The following FHOD3 variants were observed in gnomAD, a reference collection of about 807,000 sequenced individuals.
The protein encoded by FHOD3 is formin homology 2 domain containing 3.
Under a neutral mutation model 173.0 loss-of-function variants are expected in FHOD3, and 90 were observed. The ratio of observed to expected loss-of-function variants is 0.52; its 90% CI spans 0.44 to 0.62. The LOEUF (loss-of-function observed/expected upper bound fraction) is 0.62. Among genes scored for constraint, FHOD3 ranks in the 20% least tolerant of loss-of-function variants. FHOD3 has a pLI of 0.00. For missense variants in FHOD3, 1,945 were observed against 2,034.7 expected (o/e 0.96, Z 0.85); for synonymous variants, 828 against 823.0 (o/e 1.01, Z -0.10).
chr18:36,644,070 A>T (rs1421535108), intron 10 of FHOD3, among the ~76,000 whole-genome samples: 1 of 152,180 alleles, frequency 6.6e-6, no homozygotes, highest in Non-Finnish European at 1.5e-5. Flanking sequence ...GTCAGGCTGC[A>T]GGCCTCTGGG....
At chr18:36,458,666 GTTTTTTTTT>G (rs35141522) in intron 3 of FHOD3, among the ~76,000 whole-genome samples, 1 of 104,724 alleles carries the variant, frequency 9.5e-6, no homozygotes, top group South Asian at 3.4e-4. Context: ...TTTTTGTTAG[GTTTTTTTTT>G]TTTTTTTTTT....
intron 18 of FHOD3, chr18:36,709,895 A>G (rs2040076470): frequency 6.4e-6 from 1 of 155,062 alleles, no homozygotes; most frequent in South Asian, 2.0e-4. Context: ...GGATTGAATG[A>G]GTATTTCCAA....
intron 5 of FHOD3, among the ~76,000 whole-genome samples, chr18:36,548,798 A>T (rs1293840318): frequency 1.3e-5 from 2 of 152,156 alleles, no homozygotes; most frequent in Non-Finnish European, 1.5e-5. Flanking sequence ...CATCATCTGG[A>T]TATACCAGAG....
chr18:36,418,286 A>T (rs2049782725), intron 3 of FHOD3, among the ~76,000 whole-genome samples: 3 of 152,186 alleles, frequency 2.0e-5, no homozygotes, highest in African/African-American at 7.2e-5. Flanking sequence ...TCTGAAAAGG[A>T]ATTTTTTAGA....
At chr18:36,336,456 T>C (rs903887866) in intron 1 of FHOD3, among the ~76,000 whole-genome samples, 2 of 152,228 alleles carry the variant, frequency 1.3e-5, no homozygotes, top group African/African-American at 4.8e-5. Context: ...GATGGTAATC[T>C]GTGAATTCAC....
intron 5 of FHOD3, among the ~76,000 whole-genome samples, chr18:36,557,719 A>G (rs2057943860): frequency 6.6e-6 from 1 of 151,390 alleles, no homozygotes; most frequent in African/African-American, 2.4e-5. Flanking sequence ...TTCTTTATAA[A>G]TATTTGTCAC....
intron 1 of FHOD3, among the ~76,000 whole-genome samples, chr18:36,343,126 T>C (rs1413578666): frequency 6.6e-6 from 1 of 152,216 alleles, no homozygotes; most frequent in African/African-American, 2.4e-5. Flanking sequence ...CTTAAAATGT[T>C]AATGACCCAG....
intron 3 of FHOD3, among the ~76,000 whole-genome samples, chr18:36,378,922 C>T (rs767556026): frequency 5.3e-5 from 8 of 152,116 alleles, no homozygotes; most frequent in South Asian, 2.1e-4. Context: ...TGACCTCAGG[C>T]GATCTGCCCA....
chr18:36,348,643 G>T (rs1416464481), intron 1 of FHOD3, among the ~76,000 whole-genome samples: 2 of 152,106 alleles, frequency 1.3e-5, no homozygotes, highest in East Asian at 3.9e-4. Context: ...GAGGGTCCTT[G>T]GCTGACTGCT....
chr18:36,310,687 CAA>C (rs571273504), intron 1 of FHOD3, among the ~76,000 whole-genome samples: 12 of 72,652 alleles, frequency 1.7e-4, no homozygotes, highest in Non-Finnish European at 1.9e-4. Flanking sequence ...GACTCCATCT[CAA>C]AAAAAAAAAA....
intron 5 of FHOD3, among the ~76,000 whole-genome samples, chr18:36,526,976 G>A (rs774951733): frequency 6.6e-6 from 1 of 152,232 alleles, no homozygotes; most frequent in South Asian, 2.1e-4. Flanking sequence ...TGAACCTTTT[G>A]TAAATTACAG....
intron 10 of FHOD3, among the ~76,000 whole-genome samples, chr18:36,634,217 A>G (rs985859998): frequency 6.6e-6 from 1 of 151,990 alleles, no homozygotes; most frequent in South Asian, 2.1e-4. Flanking sequence ...GAGGGAGGCA[A>G]TTGGAGGGGT....
intron 5 of FHOD3, among the ~76,000 whole-genome samples, chr18:36,548,420 G>A (rs2057501907): frequency 6.6e-6 from 1 of 152,146 alleles, no homozygotes; most frequent in Admixed American, 6.5e-5. Flanking sequence ...GGGTGAATGT[G>A]CCTTTGAGGT....
At chr18:36,770,535 T>G (rs2043331788) in intron 28 of FHOD3, among the ~76,000 whole-genome samples, 1 of 152,174 alleles carries the variant, frequency 6.6e-6, no homozygotes. Context: ...GATGAGAATT[T>G]TTCCCCAGAA....
intron 3 of FHOD3, among the ~76,000 whole-genome samples, chr18:36,451,456 CCTTT>C (rs2051836922): frequency 6.6e-6 from 1 of 152,226 alleles, no homozygotes; most frequent in South Asian, 2.1e-4. Flanking sequence ...CATAAATCCC[CCTTT>C]CTCTCTATCC....
intron 5 of FHOD3, among the ~76,000 whole-genome samples, chr18:36,529,394 C>T (rs960225225): frequency 7.2e-5 from 11 of 152,320 alleles, no homozygotes; most frequent in African/African-American, 2.6e-4. Flanking sequence ...TGAGTAACTT[C>T]ATATTTCCAC....
Position 36,744,207 on chromosome 18 carries a change from C to T in FHOD3, c.4041+14C>T, listed in dbSNP as rs373672490. 225 of 1,604,752 alleles carry T rather than the reference C, an allele frequency of 1.4e-4. 2 individuals are homozygous for T. The highest frequency in any genetic ancestry group is 1.9e-4 in the Admixed American group (11 of 58,432). On this transcript the variant is annotated intron_variant, in intron 23 of 28. Transcript: ENST00000590592. Reference sequence around the variant, plus strand: ...AGGTCAGCCAAGGTATGTCTGTGGACGCTGAGGAGTGGGCCTGGTCTCGCT... The same window carrying T: ...AGGTCAGCCAAGGTATGTCTGTGGATGCTGAGGAGTGGGCCTGGTCTCGCT...
At chr18:36,627,723 A>G (rs2034216923) in intron 10 of FHOD3, among the ~76,000 whole-genome samples, 1 of 152,204 alleles carries the variant, frequency 6.6e-6, no homozygotes, top group Non-Finnish European at 1.5e-5. Flanking sequence ...GTGGCCCCAA[A>G]GTGACGGCAT....
rs552095826 is a variant in FHOD3, at chr18:36,442,128, T to C, written c.338-59804T>C. 3.3e-5 allele frequency among the ~76,000 whole-genome samples: 5 copies of C among 152,346 alleles called. No individual in the cohort carries two copies. In the South Asian group the frequency reaches 1.0e-3, roughly 32 times the overall value. ...TCCAGACACTGGACATTCCATGTGT[T>C]CTGAGAATGCCCCCTCCCTGCTCCC... On this transcript the variant is annotated intron_variant, in intron 3 of 28. Coordinates refer to ENST00000590592, the MANE Select transcript of FHOD3 (RefSeq NM_001281740.3).
Sources: allele counts gnomAD v4.1 joint callset (sites outside exome capture counted in the v4.1 genomes callset), GRCh38; gene constraint gnomAD v4.1.1; transcripts MANE v1.5; gene names NCBI Gene and HGNC (gene_info 2026-07-23, HGNC 2026-07-21).